The following MCM10 variants were observed in gnomAD, a reference collection of about 807,000 sequenced individuals.
MCM10 encodes minichromosome maintenance 10 replication initiation factor, also known as protein MCM10 homolog.
MCM10 carries 91 observed loss-of-function variants against 109.9 expected under a neutral mutation model. That is an observed-to-expected ratio of 0.83 (90% confidence interval 0.70 to 0.99). The LOEUF (loss-of-function observed/expected upper bound fraction) is 0.99, where lower values mean the gene tolerates loss of function less well. Ranked by LOEUF, MCM10 falls within the 50% of genes least tolerant of loss-of-function variation. MCM10 has a pLI of 0.00. For synonymous variants in MCM10, 380 were observed against 387.2 expected, an observed-to-expected ratio of 0.98 and a Z score of 0.22; for missense variants, 1,077 against 1,061.2, an observed-to-expected ratio of 1.01 and a Z score of -0.21.
chr10:13,197,820 A>G (rs1834442568), intron 15 of MCM10, 53 bp downstream of exon 15: 27 of 1,575,288 alleles, frequency 1.7e-5, no homozygotes, highest in Non-Finnish European at 2.3e-5. Flanking sequence ...TCTAAGGGAA[A>G]TATGTTCTAA....
intron 8 of MCM10, 24 bp from the exon 9 acceptor site, chr10:13,186,140 C>T: frequency 7.2e-7 from 1 of 1,397,192 alleles, no homozygotes; most frequent in Non-Finnish European, 1.0e-6. Context: ...CCGCCTTTAA[C>T]TCCTGCCCCA....
intron 5 of MCM10, 28 bp from the exon 6 acceptor site, chr10:13,175,482 C>G: frequency 6.2e-7 from 1 of 1,605,634 alleles, no homozygotes; most frequent in Non-Finnish European, 8.5e-7. Context: ...GTGTGGTTGC[C>G]TTTTCATTAA....
rs1013340047 is a variant in MCM10 at position 13,172,666 on chromosome 10, C to T, written c.493C>T (p.Gln165Ter). The T allele has an allele frequency of 6.2e-7, 1 of 1,614,142 alleles. No homozygotes were observed. The highest frequency in any genetic ancestry group is 8.5e-7 in the Non-Finnish European group (1 of 1,180,018). The change falls in exon 5 of 20, where the codon CAG (glutamine) becomes TAG (stop). Residue 165 changes from glutamine (Q) to a stop codon, truncating the protein, a stop_gained. Coordinates refer to ENST00000378714, the MANE Select transcript of MCM10 (RefSeq NM_018518.5). LOFTEE classifies it high-confidence loss of function. This position sits in a 1 kb window ranked among gnomAD's most constrained non-coding sequence, Gnocchi z 5.2. The stretch of plus-strand genomic sequence containing the variant: ...GCCACCTCTTAAGGAGAGGAGAGTT[C>T]AGAGAATTCAGGAGTCAACATGCTT... The part of the protein sequence containing the change: ...PRPPLKERRV[Q>*]RIQESTCFSA...
At chr10:13,180,850 T>C (rs977372002) in intron 7 of MCM10, among the ~76,000 whole-genome samples, 3 of 152,194 alleles carry the variant, frequency 2.0e-5, no homozygotes, top group East Asian at 3.8e-4. Context: ...CCTTACTGCA[T>C]TTCACTTGTC....
At chr10:13,205,305 T>C (rs116960085) in intron 18 of MCM10, among the ~76,000 whole-genome samples, 3,298 of 152,246 alleles carry the variant, frequency 0.022, 62 homozygotes, top group Middle Eastern at 0.048. Context: ...TTCTGAGTTT[T>C]TTCACTTAGG....
chr10:13,197,076 C>CTACCATGCCCAGCTAATTTTG (rs1564391580), intron 14 of MCM10, among the ~76,000 whole-genome samples: 1 of 152,100 alleles, frequency 6.6e-6, no homozygotes, highest in Non-Finnish European at 1.5e-5. Flanking sequence ...CAGGCATGCA[C>CTACCATGCCCAGCTAATTTTG]TACCATGCCC....
At position 13,209,252 on chromosome 10, in the gene MCM10, G is replaced by A. The variant is rs1450465010; in HGVS notation, c.2567G>A (p.Gly856Glu). Residue 856 changes from glycine to glutamate, a missense_variant, in exon 20 of 20, where the codon GGA becomes GAA. Physicochemically the swap from Gly to Glu is moderately conservative, Grantham distance 98. Coordinates refer to ENST00000378714, the MANE Select transcript of MCM10 (RefSeq NM_018518.5). ...GAAAAGACTGGTCCAAAGATAGGAG[G>A]AGAAACTCTGTTACCAAGAGGAGAA... ...LKEKTGPKIG[G>E]ETLLPRGEEH... is the part of the protein sequence containing the mutation. 2 of 1,614,000 alleles carry A rather than the reference G, an allele frequency of 1.2e-6. No individual in the cohort carries two copies. Among genetic ancestry groups the A allele is most frequent in the East Asian group, 2.2e-5 (1 of 44,890 alleles).
chr10:13,203,021 T>C (rs958508920), intron 17 of MCM10, among the ~76,000 whole-genome samples: 1 of 151,934 alleles, frequency 6.6e-6, no homozygotes, highest in African/African-American at 2.4e-5. Context: ...ATTTTTGTAT[T>C]TTTAATAGAG....
chr10:13,190,685 C>CA lies in MCM10; in HGVS notation c.1416-604dup, dbSNP rs564189384. On this transcript the variant is annotated intron_variant, in intron 10 of 19. Coordinates refer to ENST00000378714, the MANE Select transcript of MCM10 (RefSeq NM_018518.5). ...TGGACAACAGAGTGAGATCTTGTCT[C>CA]AAAAAAAAAACCCCAAACTGTTAGT... Among the ~76,000 whole-genome samples, 399 of 146,406 alleles carry CA rather than the reference C, an allele frequency of 2.7e-3. 2 individuals carry two copies. The highest frequency in any genetic ancestry group is 9.0e-3 in the African/African-American group (360 of 40,018).
chr10:13,183,860 G>GT (rs1834240588), intron 8 of MCM10, among the ~76,000 whole-genome samples: 1 of 151,734 alleles, frequency 6.6e-6, no homozygotes, highest in Non-Finnish European at 1.5e-5. Flanking sequence ...AATTTTTGTG[G>GT]TTTTTTTGTG....
chr10:13,195,202 A>T lies in MCM10; in HGVS notation c.1907A>T (p.Asp636Val). ...GGGCGAGGTGTCTTGGAAGGAGATG[A>T]TGTTCTCTTTTATGATGAGTCACCA... ...KLGRGVLEGD[D>V]VLFYDESPPP... Residue 636 changes from aspartate (D) to valine (V), a missense_variant, in exon 14 of 20, where the codon GAT becomes GTT. Coordinates refer to ENST00000378714, the MANE Select transcript of MCM10 (RefSeq NM_018518.5). The T allele has an allele frequency of 6.2e-7, 1 of 1,613,384 alleles. No homozygotes were observed. Among genetic ancestry groups the T allele is most frequent in the Non-Finnish European group, 8.5e-7 (1 of 1,179,730 alleles).
chr10:13,170,365 C>CT (rs35129146), intron 2 of MCM10, among the ~76,000 whole-genome samples: 34 of 148,974 alleles, frequency 2.3e-4, no homozygotes, highest in Middle Eastern at 3.4e-3. Context: ...TAGTTTGTAT[C>CT]TTTTTTTTTT....
rs140966545 is a variant in MCM10 at position 13,195,258 on chromosome 10, G to C, written c.1963G>C (p.Glu655Gln). 6.3e-6 allele frequency: 10 copies of C among 1,598,822 alleles called. No homozygotes were observed. In the African/African-American group the frequency reaches 1.1e-4, roughly 17 times the overall value. The change falls in exon 14 of 20, where the codon GAA (glutamate) becomes CAA (glutamine). Residue 655 changes from glutamate to glutamine, a missense_variant. Coordinates refer to ENST00000378714, the MANE Select transcript of MCM10 (RefSeq NM_018518.5). ...PPRPKLSALA[E>Q]AKKLAAITKL... ...AAGACCAAAACTGAGTGCTTTAGCA[G>C]AAGCCAAAAAGGTAACTGGCATCTC...
chr10:13,197,879 T>C (rs1834443291), intron 15 of MCM10, 112 bp downstream of exon 15: 1 of 1,071,230 alleles, frequency 9.3e-7, no homozygotes, highest in South Asian at 1.7e-5. Context: ...TTTCCTCCTA[T>C]ATAGAATACC....
chr10:13,189,703 A>T (rs1346569099), intron 10 of MCM10, among the ~76,000 whole-genome samples: 1 of 152,200 alleles, frequency 6.6e-6, no homozygotes. Flanking sequence ...ACACCCTTTT[A>T]ATTATTTCTC....
Position 13,192,577 on chromosome 10 carries a change from A to G in MCM10, c.1745+9A>G. The G allele has an allele frequency of 6.2e-7, 1 of 1,611,892 alleles. No homozygotes were observed. Among genetic ancestry groups the G allele is most frequent in the South Asian group, 1.1e-5 (1 of 91,034 alleles). On this transcript the variant is annotated intron_variant, in intron 13 of 19. Transcript: ENST00000378714. ...GAAGAAATACAGAAGCGGTAAGAGG[A>G]GCAGATTTAATATTCCCCGCTTGGG...
At chr10:13,206,231 C>T (rs1438847898) in intron 18 of MCM10, among the ~76,000 whole-genome samples, 2 of 152,178 alleles carry the variant, frequency 1.3e-5, no homozygotes, top group Admixed American at 6.5e-5. Context: ...TCTGTGCTCG[C>T]TATGTTCCTC....
intron 14 of MCM10, among the ~76,000 whole-genome samples, chr10:13,196,629 C>T (rs1010410974): frequency 3.9e-5 from 6 of 152,106 alleles, no homozygotes; most frequent in Admixed American, 3.9e-4. Flanking sequence ...TCTCTTGCCT[C>T]AGCCTCCCGA....
At chr10:13,174,857 G>A (rs1447655738) in intron 5 of MCM10, among the ~76,000 whole-genome samples, 2 of 152,134 alleles carry the variant, frequency 1.3e-5, no homozygotes, top group African/African-American at 2.4e-5. Context: ...GGCCGGGGGC[G>A]GTGGTTCATG....
Sources: allele counts gnomAD v4.1 joint callset (sites outside exome capture counted in the v4.1 genomes callset), GRCh38; gene constraint gnomAD v4.1.1; non-coding constraint Gnocchi (gnomAD v3.1); transcripts MANE v1.5; gene names NCBI Gene and HGNC (gene_info 2026-07-23, HGNC 2026-07-21).